Variants in AFAP1 observed in about 807,000 individuals in gnomAD.
The protein encoded by AFAP1 is actin filament associated protein 1.
AFAP1 carries 75 observed loss-of-function variants against 93.9 expected under a neutral mutation model. That is an observed-to-expected ratio of 0.80 (90% CI 0.66 to 0.97). The LOEUF (loss-of-function observed/expected upper bound fraction) is 0.97, where lower values mean the gene tolerates loss of function less well. Ranked by LOEUF, AFAP1 falls within the 50% of genes least tolerant of loss-of-function variation. AFAP1 has a pLI of 0.00. For synonymous variants in AFAP1, 517 were observed against 430.7 expected, an observed-to-expected ratio of 1.20 and a Z score of -2.48; for missense variants, 1,201 against 1,050.8, an observed-to-expected ratio of 1.14 and a Z score of -1.98.
chr4:7,778,775 T>A lies in AFAP1; in HGVS notation c.1884A>T (p.Lys628Asn). ...PKKADPAAVVKRTGSNAAQYK... is the reference protein window; with the variant it reads ...PKKADPAAVVNRTGSNAAQYK... ...TGGTATACTTACTCGAACCCGTCCT[T>A]TTCACAACAGCCGCGGGATCCGCTT... Residue 628 changes from lysine (K) to asparagine (N), a missense_variant, in exon 14 of 18, where the codon AAA becomes AAT. Coordinates refer to ENST00000420658, the MANE Select transcript of AFAP1 (RefSeq NM_001134647.2). The A allele has an allele frequency of 1.2e-6, 2 of 1,614,150 alleles. No homozygotes were observed. Among genetic ancestry groups the A allele is most frequent in the Non-Finnish European group, 1.7e-6 (2 of 1,179,986 alleles).
rs1718478577 is a variant in AFAP1 at position 7,891,654 on chromosome 4, T to C, written c.-2-19574A>G. Among the ~76,000 whole-genome samples, 3 of 149,294 alleles carry C rather than the reference T, an allele frequency of 2.0e-5. No homozygotes were observed. In the Admixed American group the frequency reaches 2.0e-4, roughly 10 times the overall value. The stretch of plus-strand genomic sequence containing the variant: ...ATCATAAAGCTGTGTTACATCTTGA[T>C]ATTCATGAGTGAGTCTTCTAATCCA... On this transcript the variant is annotated intron_variant, in intron 1 of 17. Coordinates refer to ENST00000420658, the MANE Select transcript of AFAP1 (RefSeq NM_001134647.2).
In AFAP1 at chr4:7,809,778, A is replaced by G; in HGVS notation, c.905-15T>C. ...CTTCCTCTTCACTGTCAAGAGTAAC[A>G]ACAGCAAAAAAGCATGTTTTAATTG... is the stretch of plus-strand genomic sequence containing the variant. On this transcript the variant is annotated splice_polypyrimidine_tract_variant and intron_variant, in intron 8 of 17. Coordinates refer to ENST00000420658, the MANE Select transcript of AFAP1 (RefSeq NM_001134647.2). The G allele has an allele frequency of 6.2e-7, 1 of 1,600,158 alleles. No individual in the cohort carries two copies. The highest frequency in any genetic ancestry group is 8.5e-7 in the Non-Finnish European group (1 of 1,175,644).
chr4:7,770,707 A>AG (rs912994332), intron 16 of AFAP1, among the ~76,000 whole-genome samples: 249 of 152,318 alleles, frequency 1.6e-3, no homozygotes, highest in African/African-American at 5.5e-3. Flanking sequence ...GATGAGATCG[A>AG]GGCACTGACC....
chr4:7,828,373 T>C (rs1223051438), intron 6 of AFAP1, among the ~76,000 whole-genome samples: 1 of 152,202 alleles, frequency 6.6e-6, no homozygotes. Flanking sequence ...TAGGGTGTTT[T>C]GGTTTATTTT....
intron 8 of AFAP1, among the ~76,000 whole-genome samples, chr4:7,812,822 T>C (rs1720167039): frequency 6.6e-6 from 1 of 152,162 alleles, no homozygotes; most frequent in Non-Finnish European, 1.5e-5. Flanking sequence ...CTGGGAGGAA[T>C]AGGGGCATGA....
intron 1 of AFAP1, among the ~76,000 whole-genome samples, chr4:7,898,498 AG>A (rs199509514): frequency 2.0e-5 from 3 of 151,902 alleles, no homozygotes; most frequent in Admixed American, 6.6e-5. Context: ...CAAACATTTC[AG>A]GAAAAAAAAA....
intron 6 of AFAP1, among the ~76,000 whole-genome samples, chr4:7,833,731 G>C (rs1221747602): frequency 1.3e-5 from 2 of 151,840 alleles, no homozygotes; most frequent in Non-Finnish European, 2.9e-5. Flanking sequence ...TGGGACTACA[G>C]GCACGTGCCA....
intron 3 of AFAP1, among the ~76,000 whole-genome samples, chr4:7,857,088 C>G (rs1419637253): frequency 6.6e-6 from 1 of 152,144 alleles, no homozygotes; most frequent in Admixed American, 6.5e-5. Context: ...CTATGAATAG[C>G]ATGCAACAAT....
At chr4:7,928,719 T>C (rs1369531985) in intron 1 of AFAP1, among the ~76,000 whole-genome samples, 2 of 152,212 alleles carry the variant, frequency 1.3e-5, no homozygotes, top group Non-Finnish European at 2.9e-5. Context: ...ATTAAACCTG[T>C]TATTACTATC....
At chr4:7,847,794 G>GGGC (rs1553845907) in intron 4 of AFAP1, among the ~76,000 whole-genome samples, 2 of 94,794 alleles carry the variant, frequency 2.1e-5, no homozygotes, top group African/African-American at 5.3e-5. Flanking sequence ...AGGGGTACTC[G>GGGC]GGGTGGGGCA....
At chr4:7,827,553 A>T (rs1721532968) in intron 6 of AFAP1, among the ~76,000 whole-genome samples, 1 of 120,758 alleles carries the variant, frequency 8.3e-6, no homozygotes, top group South Asian at 2.8e-4. Context: ...CATGAACAAG[A>T]GTGAAACTCT....
At position 7,885,257 on chromosome 4, in the gene AFAP1, G is replaced by A. The variant is rs74849871; in HGVS notation, c.-2-13177C>T. ...CACTCTGCTTATGTGTCACACTTCAGGCCTTCTCAATCCCTCAGTTTCCCA... is the reference window on the plus strand; with the variant it reads ...CACTCTGCTTATGTGTCACACTTCAAGCCTTCTCAATCCCTCAGTTTCCCA... On this transcript the variant is annotated intron_variant, in intron 1 of 17. Coordinates refer to ENST00000420658, the MANE Select transcript of AFAP1 (RefSeq NM_001134647.2). Among the ~76,000 whole-genome samples, 43 of 152,266 alleles carry A rather than the reference G, an allele frequency of 2.8e-4. No individual in the cohort carries two copies. The East Asian group carries it at 8.1e-3, about 29-fold the overall frequency.
At chr4:7,834,128 C>CACACACACACACACATAT (rs756961714) in intron 6 of AFAP1, among the ~76,000 whole-genome samples, 77 of 119,478 alleles carry the variant, frequency 6.4e-4, no homozygotes, top group African/African-American at 2.7e-3. Context: ...CACACACACA[C>CACACACACACACACATAT]ATATATACAA....
At chr4:7,908,235 T>C (rs114115787) in intron 1 of AFAP1, among the ~76,000 whole-genome samples, 2,629 of 152,110 alleles carry the variant, frequency 0.017, 68 homozygotes, top group African/African-American at 0.058. Context: ...TTAATTTAAA[T>C]TGTGTTTTAA....
intron 1 of AFAP1, among the ~76,000 whole-genome samples, chr4:7,906,758 C>T (rs542241459): frequency 2.0e-5 from 3 of 152,342 alleles, no homozygotes; most frequent in African/African-American, 7.2e-5. Context: ...CGGTGGCTCA[C>T]GCCTGTAATC....
chr4:7,827,608 T>C (rs1308311724), intron 6 of AFAP1, among the ~76,000 whole-genome samples: 1 of 79,378 alleles, frequency 1.3e-5, no homozygotes, highest in Non-Finnish European at 2.6e-5. Flanking sequence ...GAGAGAAAAA[T>C]GAGGCAAGAG....
chr4:7,936,582 A>AT (rs56364092), intron 1 of AFAP1, among the ~76,000 whole-genome samples: 19,660 of 135,506 alleles, frequency 0.15, 1,945 homozygotes, highest in East Asian at 0.5. Flanking sequence ...ACAAGCGGTA[A>AT]TTTTTTTTTT....
At chr4:7,824,968 G>C (rs1290929732) in intron 6 of AFAP1, among the ~76,000 whole-genome samples, 1 of 152,180 alleles carries the variant, frequency 6.6e-6, no homozygotes, top group East Asian at 1.9e-4. Context: ...TGGTTCATTA[G>C]TACTGAACAA....
chr4:7,833,814 T>C (rs1049878707), intron 6 of AFAP1, among the ~76,000 whole-genome samples: 1 of 152,016 alleles, frequency 6.6e-6, no homozygotes, highest in African/African-American at 2.4e-5. Flanking sequence ...AGTCCCGATC[T>C]CCTGACCTTG....
Sources: gnomAD v4.1 joint callset for allele counts (sites outside exome capture counted in the v4.1 genomes callset) on GRCh38, gnomAD v4.1.1 for gene constraint, MANE v1.5 for transcripts, NCBI Gene and HGNC (gene_info 2026-07-23, HGNC 2026-07-21) for gene names.